C1QTNF7: variants seen among roughly 807,000 people sequenced by gnomAD.
C1QTNF7 encodes C1q and TNF related 7, also known as complement C1q tumor necrosis factor-related protein 7.
In C1QTNF7, 15 loss-of-function variants were observed where a neutral mutation model predicts 19.6. The ratio of observed to expected loss-of-function variants is 0.76; its 90% CI spans 0.51 to 1.18. C1QTNF7 has a LOEUF of 1.18. Ranked by LOEUF, C1QTNF7 falls within the 50% of genes most tolerant of loss-of-function variation. The probability of loss-of-function intolerance (pLI) is 0.00; values close to 1 mark genes in which losing one functional copy is unlikely to be tolerated. For missense variants in C1QTNF7, 324 were observed against 359.7 expected, an observed-to-expected ratio of 0.90 and a Z score of 0.80; for synonymous variants, 142 against 137.5, an observed-to-expected ratio of 1.03 and a Z score of -0.23.
chr4:15,347,517 A>AACAGG (rs1211247165), intron 1 of C1QTNF7, among the ~76,000 whole-genome samples: 1 of 152,158 alleles, frequency 6.6e-6, no homozygotes, highest in Admixed American at 6.5e-5. Context: ...GCCCTCTTGA[A>AACAGG]ACAGGTATCC....
intron 1 of C1QTNF7, among the ~76,000 whole-genome samples, chr4:15,340,973 G>C (rs904117205): frequency 6.6e-6 from 1 of 152,138 alleles, no homozygotes; most frequent in Non-Finnish European, 1.5e-5. Flanking sequence ...TGAGGTGGAG[G>C]GGCATATAAA....
chr4:15,360,346 G>A (rs930324221), intron 1 of C1QTNF7, among the ~76,000 whole-genome samples: 31 of 152,186 alleles, frequency 2.0e-4, no homozygotes, highest in African/African-American at 5.3e-4. Flanking sequence ...AGGTTCATGA[G>A]AGCCCCTGGT....
chr4:15,443,078 T>A lies in C1QTNF7; in HGVS notation c.*279T>A. Reference sequence around the variant, plus strand: ...CAATGTTAACAAATTTTCTATTAAATGCCCTGAGTGATAAAACCAGTTGGC... The same window carrying A: ...CAATGTTAACAAATTTTCTATTAAAAGCCCTGAGTGATAAAACCAGTTGGC... On this transcript the variant is annotated 3_prime_UTR_variant, in exon 3 of 3. Transcript: ENST00000444304. 4.2e-6 allele frequency: 1 copy of A among 239,646 alleles called. No homozygotes were observed. Among genetic ancestry groups the A allele is most frequent in the Non-Finnish European group, 8.0e-6 (1 of 124,766 alleles). 14.8% of individuals were successfully genotyped at this position (239,646 alleles called of 1,614,324 possible).
chr4:15,350,342 G>GGGAA (rs1716890738), intron 1 of C1QTNF7, among the ~76,000 whole-genome samples: 2 of 53,250 alleles, frequency 3.8e-5, no homozygotes, highest in African/African-American at 2.3e-4. Context: ...AAAGGAGGGA[G>GGGAA]GGAGGGAGGG....
intron 2 of C1QTNF7, 60 bp from the exon 3 acceptor site, chr4:15,442,108 T>C: frequency 1.3e-6 from 2 of 1,517,994 alleles, no homozygotes; most frequent in Non-Finnish European, 1.8e-6. Context: ...CATGTAGGTA[T>C]ATTGTTTGTG....
At chr4:15,383,464 C>G (rs1394767142) in intron 1 of C1QTNF7, among the ~76,000 whole-genome samples, 1 of 152,176 alleles carries the variant, frequency 6.6e-6, no homozygotes, top group Non-Finnish European at 1.5e-5. Context: ...CATAAAGGCT[C>G]AAAACCAGTC....
chr4:15,416,389 C>A (rs1434359727), intron 1 of C1QTNF7, among the ~76,000 whole-genome samples: 1 of 152,196 alleles, frequency 6.6e-6, no homozygotes, highest in Non-Finnish European at 1.5e-5. Flanking sequence ...CGGTTCAACT[C>A]CCTCTGTTAC....
intron 1 of C1QTNF7, chr4:15,374,694 G>A (rs1717862768): frequency 1.0e-6 from 1 of 985,250 alleles, no homozygotes; most frequent in Non-Finnish European, 1.2e-6. Context: ...AAGGGAAGGG[G>A]ATTTTGAGCA....
Position 15,442,175 on chromosome 4 carries a change from A to G in C1QTNF7, c.246A>G (p.Arg82=). The G allele has an allele frequency of 6.3e-7, 1 of 1,596,436 alleles. No individual in the cohort carries two copies. The highest frequency in any genetic ancestry group is 8.5e-7 in the Non-Finnish European group (1 of 1,175,106). The change falls in exon 3 of 3, where the codon AGA becomes AGG. Residue 82 remains arginine, a synonymous_variant. Coordinates refer to ENST00000444304, the MANE Select transcript of C1QTNF7 (RefSeq NM_031911.5). ...TATATACTCTTTCTGAAGGTTTGAG[A>G]GGTAAGACTGGACCGCTAGGTCTTG... The part of the protein sequence containing the change: ...EKGEKGTAGL[R]GKTGPLGLAG...
At chr4:15,356,175 C>A (rs141621535) in intron 1 of C1QTNF7, among the ~76,000 whole-genome samples, 1 of 151,936 alleles carries the variant, frequency 6.6e-6, no homozygotes, top group African/African-American at 2.4e-5. Flanking sequence ...TAGGTATACA[C>A]GTGCCATGGT....
At position 15,372,978 on chromosome 4, in the gene C1QTNF7, G is replaced by C. The variant is rs76314021; in HGVS notation, c.13+32771G>C. 7.5e-3 allele frequency among the ~76,000 whole-genome samples: 1,144 copies of C among 152,294 alleles called. 16 individuals are homozygous for C. Among genetic ancestry groups the C allele is most frequent in the African/African-American group, 0.026 (1,090 of 41,556 alleles). ...GAACCCAGGAGCCCTGGCACCTAGT[G>C]GTGTCAGCCAATGACACAGATGAAA... On this transcript the variant is annotated intron_variant, in intron 1 of 2. Coordinates refer to the C1QTNF7 transcript ENST00000295297.
chr4:15,398,951 A>G (rs1344819799), intron 1 of C1QTNF7, among the ~76,000 whole-genome samples: 1 of 152,018 alleles, frequency 6.6e-6, no homozygotes, highest in Non-Finnish European at 1.5e-5. Context: ...TTCCCTTGGG[A>G]TGGGCTGTCC....
intron 1 of C1QTNF7, among the ~76,000 whole-genome samples, chr4:15,400,454 A>C (rs1718943236): frequency 6.6e-6 from 1 of 152,244 alleles, no homozygotes; most frequent in Non-Finnish European, 1.5e-5. Flanking sequence ...GAAAAGGATT[A>C]AGTTCCATTG....
At chr4:15,357,414 T>G (rs929451631) in intron 1 of C1QTNF7, among the ~76,000 whole-genome samples, 11 of 152,212 alleles carry the variant, frequency 7.2e-5, no homozygotes, top group Non-Finnish European at 1.2e-4. Flanking sequence ...TGTAGATGTG[T>G]GGCATTATTT....
chr4:15,371,511 G>A (rs1560345430), intron 1 of C1QTNF7, among the ~76,000 whole-genome samples: 2 of 152,170 alleles, frequency 1.3e-5, no homozygotes, highest in Non-Finnish European at 1.5e-5. Flanking sequence ...GCTTCAGGGA[G>A]CTTACAGACT....
intron 1 of C1QTNF7, among the ~76,000 whole-genome samples, chr4:15,432,224 G>A (rs1712344755): frequency 6.6e-6 from 1 of 152,176 alleles, no homozygotes; most frequent in Admixed American, 6.5e-5. Context: ...CATGTAACAT[G>A]AAGCTTTGGG....
In C1QTNF7 at chr4:15,440,916, G is replaced by A. The variant is rs1028166630; in HGVS notation, c.239-1252G>A. Among the ~76,000 whole-genome samples, 7 of 152,196 alleles carry A rather than the reference G, an allele frequency of 4.6e-5. No individual in the cohort carries two copies. The East Asian group carries it at 1.4e-3, about 29-fold the overall frequency. On this transcript the variant is annotated intron_variant, in intron 2 of 2. Coordinates refer to ENST00000444304, the MANE Select transcript of C1QTNF7 (RefSeq NM_031911.5). ...AGCACTTTGGGAGGCCGAGGCAGGC[G>A]GATCACCTGAGGTCAGGAGTTCGAG...
At chr4:15,426,224 T>A (rs1712041351), upstream of C1QTNF7, among the ~76,000 whole-genome samples, 1 of 152,100 alleles carries the variant, frequency 6.6e-6, no homozygotes, top group Non-Finnish European at 1.5e-5. Context: ...TTGGGGTGAG[T>A]GGCAGGTAAA....
At chr4:15,409,248 T>C (rs943806510) in intron 1 of C1QTNF7, among the ~76,000 whole-genome samples, 1 of 152,234 alleles carries the variant, frequency 6.6e-6, no homozygotes, top group Non-Finnish European at 1.5e-5. Context: ...GTGAAATTGC[T>C]ATTATTTTTA....
Sources: gnomAD v4.1 joint callset for allele counts (sites outside exome capture counted in the v4.1 genomes callset) on GRCh38, gnomAD v4.1.1 for gene constraint, MANE v1.5 for transcripts, NCBI Gene and HGNC (gene_info 2026-07-23, HGNC 2026-07-21) for gene names.